The following MEIS1 variants were observed in gnomAD, a reference collection of about 807,000 sequenced individuals.
MEIS1 encodes the protein homeobox protein Meis1.
Under a neutral mutation model 50.8 loss-of-function variants are expected in MEIS1, and 5 were observed. The ratio of observed to expected loss-of-function variants is 0.10; its 90% CI spans 0.05 to 0.21. The LOEUF (loss-of-function observed/expected upper bound fraction) is 0.21. Ranked by LOEUF, MEIS1 falls within the 10% of genes least tolerant of loss-of-function variation. The pLI, the probability that MEIS1 is intolerant of heterozygous loss-of-function variation, is 1.00. For missense variants in MEIS1, 318 were observed against 517.3 expected (o/e 0.61, Z 3.74); for synonymous variants, 176 against 179.3 (o/e 0.98, Z 0.15).
In MEIS1 at chr2:66,571,215, T is replaced by C. The variant is rs201557017; in HGVS notation, c.*38-31T>C. ...ACTATTGCTTTTTCATAACATTTTC[T>C]TTTTGTTTCTTTCTTTTGAATTTCT... On this transcript the variant is annotated intron_variant, in intron 12 of 12. Coordinates refer to ENST00000272369, the MANE Select transcript of MEIS1 (RefSeq NM_002398.3). 2.8e-4 allele frequency: 432 copies of C among 1,546,276 alleles called. 3 individuals are homozygous for C. Among genetic ancestry groups the C allele is most frequent in the Middle Eastern group, 2.7e-3 (16 of 5,920 alleles).
chr2:66,524,583 A>T (rs918043384), intron 8 of MEIS1, among the ~76,000 whole-genome samples: 2 of 152,112 alleles, frequency 1.3e-5, no homozygotes, highest in Non-Finnish European at 2.9e-5. Flanking sequence ...AATAAAATTT[A>T]AAAAATTAAA....
intron 8 of MEIS1, among the ~76,000 whole-genome samples, chr2:66,544,590 G>C (rs937785064): frequency 1.3e-5 from 2 of 152,130 alleles, no homozygotes; most frequent in African/African-American, 4.8e-5. Flanking sequence ...ACAATGGCCA[G>C]ATTATTGTGA....
At chr2:66,506,106 G>A (rs1187096884) in intron 7 of MEIS1, among the ~76,000 whole-genome samples, 2 of 152,224 alleles carry the variant, frequency 1.3e-5, no homozygotes, top group African/African-American at 2.4e-5. Context: ...TTTGAGAGCA[G>A]AGAGGTGCAT....
chr2:66,466,394 A>G (rs1672636043), intron 7 of MEIS1, among the ~76,000 whole-genome samples: 1 of 152,132 alleles, frequency 6.6e-6, no homozygotes, highest in African/African-American at 2.4e-5. Context: ...CTTCAGTCTT[A>G]TTTGTCCTTC....
In MEIS1 at chr2:66,568,520, G is replaced by GGCCGT; in HGVS notation, c.1025-147_1025-146insGCCGT. The GGCCGT allele has an allele frequency of 2.2e-5, 8 of 360,804 alleles. No individual in the cohort carries two copies. In the South Asian group the frequency reaches 2.3e-4, roughly 10 times the overall value. 22.4% of individuals were successfully genotyped at this position (360,804 alleles called of 1,614,324 possible). A position where few individuals can be genotyped will look rare whatever the true frequency, so the allele number is the denominator to read the frequency against. ...AGAGGTGTGTAGATCTAGTCTGAGA[G>GGCCGT]AAATTTCACTTTGAATGTTTAAAAA... On this transcript the variant is annotated intron_variant, in intron 10 of 12. Transcript: ENST00000272369.
At chr2:66,539,582 T>G (rs1173307237) in intron 8 of MEIS1, among the ~76,000 whole-genome samples, 1 of 152,196 alleles carries the variant, frequency 6.6e-6, no homozygotes, top group African/African-American at 2.4e-5. Flanking sequence ...GTGCTCAAGT[T>G]TCGTCATCTA....
chr2:66,540,774 A>G (rs1366636799), intron 8 of MEIS1, among the ~76,000 whole-genome samples: 1 of 152,224 alleles, frequency 6.6e-6, no homozygotes, highest in African/African-American at 2.4e-5. Context: ...TCTAAACTGT[A>G]TGTCTTAAAC....
intron 7 of MEIS1, among the ~76,000 whole-genome samples, chr2:66,503,781 GT>G (rs1673619692): frequency 8.5e-6 from 1 of 117,250 alleles, no homozygotes; most frequent in Non-Finnish European, 1.6e-5. Context: ...GTCTAGCTCT[GT>G]CGCCCAGGCT....
At chr2:66,493,040 G>T (rs1354791114) in intron 7 of MEIS1, among the ~76,000 whole-genome samples, 2 of 152,032 alleles carry the variant, frequency 1.3e-5, no homozygotes, top group East Asian at 3.9e-4. Context: ...GCGGACTTTG[G>T]GACCATGTTG....
At chr2:66,440,513 TC>T in intron 3 of MEIS1, 48 bp from the exon 4 acceptor site, 1 of 1,534,554 alleles carries the variant, frequency 6.5e-7, no homozygotes, top group Non-Finnish European at 9.0e-7. Flanking sequence ...AATTTTTCTT[TC>T]TTTTTTCTCT....
chr2:66,546,127 T>C (rs989966561), intron 8 of MEIS1, among the ~76,000 whole-genome samples: 1 of 152,154 alleles, frequency 6.6e-6, no homozygotes, highest in African/African-American at 2.4e-5. Flanking sequence ...AAGCAGGTGC[T>C]TCAGAGAGTG....
intron 6 of MEIS1, among the ~76,000 whole-genome samples, chr2:66,460,439 T>G (rs1408652678): frequency 6.6e-6 from 1 of 152,064 alleles, no homozygotes; most frequent in Non-Finnish European, 1.5e-5. Flanking sequence ...AAAATGGGAG[T>G]GTTCTAGCTG....
At chr2:66,560,100 CT>C (rs70947304) in intron 9 of MEIS1, among the ~76,000 whole-genome samples, 15,566 of 124,518 alleles carry the variant, frequency 0.13, 877 homozygotes, top group African/African-American at 0.16. Context: ...CCTGCCATCA[CT>C]TTTTTTTTTT....
intron 2 of MEIS1, chr2:66,439,510 G>C: frequency 6.8e-7 from 1 of 1,473,806 alleles, no homozygotes; most frequent in Non-Finnish European, 9.0e-7. Flanking sequence ...GGGGACGAGG[G>C]CTTGTCGGGT....
intron 8 of MEIS1, among the ~76,000 whole-genome samples, chr2:66,539,607 C>T (rs1206688337): frequency 2.0e-5 from 3 of 152,282 alleles, no homozygotes; most frequent in South Asian, 2.1e-4. Flanking sequence ...ATGGGTCTAG[C>T]GGCTGTTAAC....
chr2:66,571,799 TA>T lies in MEIS1; in HGVS notation c.*599del, dbSNP rs1553383349. The T allele has an allele frequency of 7.7e-6, 3 of 391,344 alleles. No homozygotes were observed. Among genetic ancestry groups the T allele is most frequent in the Non-Finnish European group, 1.4e-5 (3 of 221,166 alleles). The allele number at this position is 391,344 out of a possible 1,614,324, so 24.2% of individuals were successfully genotyped here. A position where few individuals can be genotyped will look rare whatever the true frequency, so the allele number is the denominator to read the frequency against. On this transcript the variant is annotated 3_prime_UTR_variant, in exon 13 of 13. Transcript: ENST00000272369. ...ATTACGTTGTTTCTTATAGATTTTT[TA>T]AAAAAAATGTGAAATTTTTCCACAC...
At chr2:66,458,807 AC>A (rs953038293) in intron 6 of MEIS1, among the ~76,000 whole-genome samples, 17 of 152,196 alleles carry the variant, frequency 1.1e-4, no homozygotes, top group Admixed American at 1.0e-3. Context: ...TTTAAATTGT[AC>A]TACTCTTTTT....
At chr2:66,502,199 G>A (rs979070159) in intron 7 of MEIS1, among the ~76,000 whole-genome samples, 1 of 152,106 alleles carries the variant, frequency 6.6e-6, no homozygotes, top group Non-Finnish European at 1.5e-5. Context: ...TGCAATTCCT[G>A]TGGAAAAACT....
intron 3 of MEIS1, 148 bp from the exon 4 acceptor site, chr2:66,440,414 A>T (rs1304827468): frequency 4.3e-6 from 3 of 705,062 alleles, no homozygotes; most frequent in Non-Finnish European, 7.7e-6. Flanking sequence ...CGCGGGACGA[A>T]CTCGGTGTCA....
Sources: gnomAD v4.1 joint callset for allele counts (sites outside exome capture counted in the v4.1 genomes callset) on GRCh38, gnomAD v4.1.1 for gene constraint, MANE v1.5 for transcripts, NCBI Gene and HGNC (gene_info 2026-07-23, HGNC 2026-07-21) for gene names.